Variants in RFC3 observed in about 807,000 individuals in gnomAD.
The protein encoded by RFC3 is A1 38 kDa subunit.
In RFC3, 41 loss-of-function variants were observed where a neutral mutation model predicts 45.1. The observed-to-expected ratio is 0.91, with a 90% confidence interval of 0.71 to 1.18. The LOEUF (loss-of-function observed/expected upper bound fraction) is 1.18. Among genes scored for constraint, RFC3 ranks in the 50% most tolerant of loss-of-function variants. The pLI, the probability that RFC3 is intolerant of heterozygous loss-of-function variation, is 0.00. For synonymous variants in RFC3, 149 were observed against 144.0 expected, an observed-to-expected ratio of 1.03 and a Z score of -0.25; for missense variants, 423 against 428.1, an observed-to-expected ratio of 0.99 and a Z score of 0.10.
chr13:33,962,386 C>G (rs1593721400), intron 8 of RFC3, among the ~76,000 whole-genome samples: 1 of 152,174 alleles, frequency 6.6e-6, no homozygotes, highest in East Asian at 1.9e-4. Context: ...TTACTCTCCT[C>G]TTGCTTCTTA....
intron 8 of RFC3, among the ~76,000 whole-genome samples, chr13:33,924,333 A>G (rs981204012): frequency 1.3e-5 from 2 of 152,046 alleles, no homozygotes; most frequent in Non-Finnish European, 2.9e-5. Context: ...TTCCTTCTCA[A>G]TGAGTTTCTG....
the RFC3 span, among the ~76,000 whole-genome samples, chr13:33,973,389 T>G: frequency 6.6e-6 from 1 of 151,926 alleles, no homozygotes; most frequent in Non-Finnish European, 1.5e-5. Context: ...GTCATGGAGG[T>G]GATTTATTTC....
At chr13:33,960,634 G>A (rs1456095105) in intron 8 of RFC3, among the ~76,000 whole-genome samples, 1 of 151,560 alleles carries the variant, frequency 6.6e-6, no homozygotes, top group Non-Finnish European at 1.5e-5. Context: ...TAGGTTAACT[G>A]TCAGGACCTC....
chr13:33,936,611 G>A (rs879857590), intron 8 of RFC3, among the ~76,000 whole-genome samples: 15 of 152,152 alleles, frequency 9.9e-5, no homozygotes, highest in Non-Finnish European at 2.1e-4. Flanking sequence ...AGAGACTGGG[G>A]TGATGCATCT....
At chr13:33,886,541 GA>G (rs57875939) in intron 8 of RFC3, among the ~76,000 whole-genome samples, 9,694 of 76,270 alleles carry the variant, frequency 0.13, 427 homozygotes, top group African/African-American at 0.23. Flanking sequence ...TCTGAAAAAA[GA>G]AAAAAAAAAA....
At chr13:33,918,135 C>A (rs141346514) in intron 8 of RFC3, among the ~76,000 whole-genome samples, 257 of 152,282 alleles carry the variant, frequency 1.7e-3, no homozygotes, top group African/African-American at 6.1e-3. Context: ...AGTGCTTCAA[C>A]CTAGGTCCTT....
At chr13:33,880,076 T>G (rs1232184382) in intron 8 of RFC3, among the ~76,000 whole-genome samples, 1 of 152,254 alleles carries the variant, frequency 6.6e-6, no homozygotes, top group East Asian at 1.9e-4. Flanking sequence ...ATCAGTTGAT[T>G]AGCAAACTTG....
At chr13:33,892,247 A>G (rs1315191137) in intron 8 of RFC3, among the ~76,000 whole-genome samples, 1 of 152,174 alleles carries the variant, frequency 6.6e-6, no homozygotes, top group Non-Finnish European at 1.5e-5. Flanking sequence ...TAACTAAGAC[A>G]AAAATTAGAG....
intron 8 of RFC3, among the ~76,000 whole-genome samples, chr13:33,875,018 A>G (rs1342062849): frequency 1.3e-5 from 2 of 152,336 alleles, no homozygotes; most frequent in East Asian, 1.9e-4. Context: ...GCAACAGCGG[A>G]TTAAGATTTA....
At chr13:33,976,560 G>GA in the RFC3 span, among the ~76,000 whole-genome samples, 35 of 152,150 alleles carry the variant, frequency 2.3e-4, no homozygotes, top group African/African-American at 8.2e-4. Flanking sequence ...AGCTAGAAAA[G>GA]AAGATTCATA....
chr13:33,882,184 T>C (rs886584139), intron 8 of RFC3, among the ~76,000 whole-genome samples: 1 of 152,226 alleles, frequency 6.6e-6, no homozygotes, highest in Non-Finnish European at 1.5e-5. Flanking sequence ...ACATAATGCA[T>C]TATCAAAACC....
chr13:33,829,653 T>G, intron 4 of RFC3, 183 bp from the exon 5 acceptor site: 1 of 612,836 alleles, frequency 1.6e-6, no homozygotes, highest in South Asian at 2.0e-5. Context: ...GGAGTATGAT[T>G]GTAGCATTTT....
At chr13:33,904,983 T>C (rs1471059238) in intron 8 of RFC3, among the ~76,000 whole-genome samples, 1 of 152,064 alleles carries the variant, frequency 6.6e-6, no homozygotes, top group Non-Finnish European at 1.5e-5. Context: ...AAATACAAAA[T>C]TGAAGGCAGC....
intron 8 of RFC3, among the ~76,000 whole-genome samples, chr13:33,913,987 T>C (rs2082718119): frequency 6.9e-6 from 1 of 145,284 alleles, no homozygotes; most frequent in South Asian, 2.1e-4. Context: ...CTAAGTGATA[T>C]GCTCATGTAA....
intron 8 of RFC3, among the ~76,000 whole-genome samples, chr13:33,857,328 TC>T (rs1309518559): frequency 2.6e-5 from 4 of 152,192 alleles, no homozygotes; most frequent in Non-Finnish European, 4.4e-5. Context: ...TTTCAGCTCT[TC>T]CTACAGAATG....
chr13:33,852,130 T>C (rs951085824), intron 8 of RFC3, among the ~76,000 whole-genome samples: 11 of 152,232 alleles, frequency 7.2e-5, no homozygotes, highest in African/African-American at 2.7e-4. Flanking sequence ...TAAGCAAAGA[T>C]TTTAACTGTA....
At chr13:33,977,055 A>C in the RFC3 span, among the ~76,000 whole-genome samples, 2 of 152,112 alleles carry the variant, frequency 1.3e-5, 1 homozygote, top group Non-Finnish European at 2.9e-5. Flanking sequence ...AAAAAAAATC[A>C]CACATCCCAA....
chr13:33,880,621 C>T (rs1249475827), intron 8 of RFC3, among the ~76,000 whole-genome samples: 2 of 152,176 alleles, frequency 1.3e-5, no homozygotes, highest in East Asian at 3.8e-4. Context: ...ATTTAAATCT[C>T]AACAGCCACA....
chr13:33,836,680 A>G lies in RFC3; in HGVS notation c.*385A>G, dbSNP rs189665215. 1.6e-5 allele frequency: 16 copies of G among 989,514 alleles called. No homozygotes were observed. The highest frequency in any genetic ancestry group is 3.5e-5 in the African/African-American group (2 of 57,502). The allele number at this position is 989,514 out of a possible 1,614,324, so 61.3% of individuals were successfully genotyped here. A position where few individuals can be genotyped will look rare whatever the true frequency, so the allele number is the denominator to read the frequency against. On this transcript the variant is annotated 3_prime_UTR_variant, in exon 9 of 9. Coordinates refer to ENST00000380071, the MANE Select transcript of RFC3 (RefSeq NM_002915.4). Reference sequence around the variant, plus strand: ...ATGACCATTTTCTGCCACAGGTAACATGATTGTTTGACACACCATTATATT... The same window carrying G: ...ATGACCATTTTCTGCCACAGGTAACGTGATTGTTTGACACACCATTATATT...
Sources: allele counts gnomAD v4.1 joint callset (sites outside exome capture counted in the v4.1 genomes callset), GRCh38; gene constraint gnomAD v4.1.1; transcripts MANE v1.5; gene names NCBI Gene and HGNC (gene_info 2026-07-23, HGNC 2026-07-21).